Variants in ENAH observed in about 807,000 individuals in gnomAD.
The protein encoded by ENAH is ENAH actin regulator, also known as protein enabled homolog.
A neutral mutation model predicts 78.7 loss-of-function variants in ENAH; 23 were observed. The ratio of observed to expected loss-of-function variants is 0.29; its 90% CI spans 0.21 to 0.41. The LOEUF is 0.41. ENAH is among the 10% of genes least tolerant of loss of function. The pLI is 1.00. For synonymous variants in ENAH, 226 were observed against 241.0 expected (o/e 0.94, Z 0.58); for missense variants, 544 against 691.0 (o/e 0.79, Z 2.39).
intron 3 of ENAH, among the ~76,000 whole-genome samples, chr1:225,548,808 A>G (rs2096627557): frequency 6.6e-6 from 1 of 151,688 alleles, no homozygotes; most frequent in South Asian, 2.1e-4. Flanking sequence ...CACCTACCCA[A>G]TCCCCAAACC....
At chr1:225,503,258 A>C (rs2096295384) in intron 11 of ENAH, among the ~76,000 whole-genome samples, 1 of 152,186 alleles carries the variant, frequency 6.6e-6, no homozygotes, top group Non-Finnish European at 1.5e-5. Context: ...TATGTGTGAA[A>C]GCAGCAAGAT....
intron 2 of ENAH, among the ~76,000 whole-genome samples, chr1:225,562,917 G>T (rs1160242370): frequency 1.3e-5 from 2 of 151,238 alleles, no homozygotes; most frequent in Non-Finnish European, 2.9e-5. Context: ...AGGCTGCAGT[G>T]AGCTATGGTC....
intron 1 of ENAH, among the ~76,000 whole-genome samples, chr1:225,628,853 T>A (rs1047056524): frequency 7.1e-6 from 1 of 140,390 alleles, no homozygotes; most frequent in African/African-American, 2.7e-5. Context: ...TTGTGGTGAG[T>A]GGAGATCGCG....
At chr1:225,635,567 GA>G (rs1659908354) in intron 1 of ENAH, among the ~76,000 whole-genome samples, 1 of 152,170 alleles carries the variant, frequency 6.6e-6, no homozygotes, top group African/African-American at 2.4e-5. Context: ...TGAGAGAGAT[GA>G]ATGAGACCAC....
rs143875065 is a variant in ENAH, at chr1:225,553,191, G to C, written c.349+1715C>G. Among the ~76,000 whole-genome samples the C allele has an allele frequency of 2.2e-3, 341 of 152,244 alleles. 6 individuals are homozygous for C. The East Asian group carries it at 0.038, about 17-fold the overall frequency. On this transcript the variant is annotated intron_variant, in intron 3 of 13. Coordinates refer to ENST00000366843, the MANE Select transcript of ENAH (RefSeq NM_018212.6). ...AGAGGTTGCAGTGAGCCAAGATCGC[G>C]TCACTGCACTCCAGCCTGGGCAACA...
At chr1:225,567,478 A>G in intron 1 of ENAH, 64 bp from the exon 2 acceptor site, 1 of 1,497,858 alleles carries the variant, frequency 6.7e-7, no homozygotes, top group South Asian at 1.3e-5. Flanking sequence ...TGTTCCACAT[A>G]GCCACACAAA....
Position 225,608,405 on chromosome 1 carries a change from CT to C in ENAH, c.6-40992del, listed in dbSNP as rs972775624. Among the ~76,000 whole-genome samples the C allele has an allele frequency of 6.3e-3, 883 of 140,468 alleles. 4 individuals are homozygous for C. Among genetic ancestry groups the C allele is most frequent in the African/African-American group, 0.011 (438 of 38,558 alleles). The allele number at this position is 140,468 out of a possible 152,430, so 92.2% of individuals were successfully genotyped here. On this transcript the variant is annotated intron_variant, in intron 1 of 13. Coordinates refer to ENST00000366843, the MANE Select transcript of ENAH (RefSeq NM_018212.6). ...TCCATCAAGGGCACAGCACAACAGACTTTTTTTTTTTTTTAAACAAAGACTC... is the reference window on the plus strand; with the variant it reads ...TCCATCAAGGGCACAGCACAACAGACTTTTTTTTTTTTTAAACAAAGACTC...
At chr1:225,578,608 G>GA (rs1002804003) in intron 1 of ENAH, among the ~76,000 whole-genome samples, 3 of 152,166 alleles carry the variant, frequency 2.0e-5, no homozygotes, top group East Asian at 1.9e-4. Flanking sequence ...AAGCAGCACA[G>GA]AAAAAATTCA....
intron 3 of ENAH, among the ~76,000 whole-genome samples, chr1:225,548,550 G>C (rs1056445653): frequency 5.9e-5 from 9 of 152,180 alleles, no homozygotes; most frequent in African/African-American, 9.7e-5. Context: ...ATCTTGAACT[G>C]AAGGCCAGAC....
intron 3 of ENAH, among the ~76,000 whole-genome samples, chr1:225,540,074 C>G (rs542149803): frequency 6.6e-6 from 1 of 152,212 alleles, no homozygotes; most frequent in South Asian, 2.1e-4. Flanking sequence ...TGTCTAAAGA[C>G]TCTCGGGAGA....
chr1:225,553,703 T>TA (rs1202393230), intron 3 of ENAH, among the ~76,000 whole-genome samples: 5 of 152,202 alleles, frequency 3.3e-5, no homozygotes, highest in Admixed American at 1.3e-4. Context: ...TACAGAGACT[T>TA]AGAGAAATGA....
intron 1 of ENAH, among the ~76,000 whole-genome samples, chr1:225,610,729 G>A (rs887305344): frequency 2.0e-5 from 3 of 152,156 alleles, no homozygotes; most frequent in Middle Eastern, 3.2e-3. Flanking sequence ...CAACAAAGTA[G>A]AGGAATTATT....
rs1478365195 is a variant in ENAH at position 225,530,491 on chromosome 1, G to A, written c.434+63C>T. The A allele has an allele frequency of 1.1e-5, 14 of 1,297,776 alleles. No homozygotes were observed. The East Asian group carries it at 3.0e-4, about 28-fold the overall frequency. 80.4% of individuals were successfully genotyped at this position (1,297,776 alleles called of 1,614,324 possible). A position where few individuals can be genotyped will look rare whatever the true frequency, so the allele number is the denominator to read the frequency against. ...TAAGACATAATCTACTTTAAACACA[G>A]GATGTTCAGTTTTGTCTTCTGAAGC... On this transcript the variant is annotated intron_variant, in intron 4 of 13. Coordinates refer to ENST00000366843, the MANE Select transcript of ENAH (RefSeq NM_018212.6).
At chr1:225,506,379 G>T (rs1264447503) in intron 11 of ENAH, among the ~76,000 whole-genome samples, 1 of 152,114 alleles carries the variant, frequency 6.6e-6, no homozygotes, top group African/African-American at 2.4e-5. Context: ...GTAGAGATGG[G>T]GTTTCATCAT....
chr1:225,632,854 A>G (rs916906296), intron 1 of ENAH, among the ~76,000 whole-genome samples: 5 of 152,214 alleles, frequency 3.3e-5, no homozygotes, highest in Non-Finnish European at 7.3e-5. Flanking sequence ...CACTTAGGGT[A>G]AGGTGCATAT....
At chr1:225,589,517 T>C (rs1051938607) in intron 1 of ENAH, among the ~76,000 whole-genome samples, 2 of 152,196 alleles carry the variant, frequency 1.3e-5, no homozygotes, top group Non-Finnish European at 2.9e-5. Context: ...GTCCCTTACA[T>C]AAAATGGTAT....
chr1:225,550,840 A>T (rs1399335730), intron 3 of ENAH, among the ~76,000 whole-genome samples: 1 of 152,168 alleles, frequency 6.6e-6, no homozygotes, highest in Non-Finnish European at 1.5e-5. Flanking sequence ...CTTGGCTGAG[A>T]ACAAAAGCAG....
intron 3 of ENAH, among the ~76,000 whole-genome samples, chr1:225,534,046 C>G (rs1395577061): frequency 1.3e-5 from 2 of 152,094 alleles, no homozygotes; most frequent in East Asian, 3.8e-4. Flanking sequence ...AATATTTTCT[C>G]TGCAATTGGG....
intron 3 of ENAH, among the ~76,000 whole-genome samples, chr1:225,552,990 T>C (rs1446405757): frequency 6.6e-6 from 1 of 152,118 alleles, no homozygotes; most frequent in South Asian, 2.1e-4. Context: ...TCCCAGCACT[T>C]TGGGAGGCCG....
Sources: gnomAD v4.1 joint callset for allele counts (sites outside exome capture counted in the v4.1 genomes callset) on GRCh38, gnomAD v4.1.1 for gene constraint, MANE v1.5 for transcripts, NCBI Gene and HGNC (gene_info 2026-07-23, HGNC 2026-07-21) for gene names.